Variants in PCDHA4 observed in about 807,000 individuals in gnomAD.
The protein encoded by PCDHA4 is protocadherin alpha-4.
A neutral mutation model predicts 61.4 loss-of-function variants in PCDHA4; 49 were observed. That is an observed-to-expected ratio of 0.80 (90% CI 0.63 to 1.01). The LOEUF is 1.01. Among genes scored for constraint, PCDHA4 ranks in the 50% least tolerant of loss-of-function variants. PCDHA4 has a pLI of 0.00. For missense variants in PCDHA4, 1,254 were observed against 1,235.8 expected (o/e 1.01, Z -0.22); for synonymous variants, 590 against 550.3 (o/e 1.07, Z -1.01).
intron 3 of PCDHA4, 167 bp from the exon 4 acceptor site, chr5:141,009,460 T>C (rs1375350735): frequency 3.2e-6 from 3 of 950,276 alleles, no homozygotes; most frequent in African/African-American, 1.8e-5. Flanking sequence ...ATTAAACAAA[T>C]AAATAAATAA....
chr5:140,969,076 T>C, intron 1 of PCDHA4: 2 of 1,614,162 alleles, frequency 1.2e-6, no homozygotes, highest in South Asian at 2.2e-5. Flanking sequence ...GGATACCGCA[T>C]GGCCTCAAAG....
At chr5:140,862,334 C>A in intron 1 of PCDHA4, 1 of 329,810 alleles carries the variant, frequency 3.0e-6, no homozygotes, top group Non-Finnish European at 6.0e-6. Flanking sequence ...TGTAATTGAC[C>A]CTAACTTCAG....
At chr5:140,911,607 T>C (rs1309017145) in intron 1 of PCDHA4, among the ~76,000 whole-genome samples, 1 of 152,222 alleles carries the variant, frequency 6.6e-6, no homozygotes, top group African/African-American at 2.4e-5. Context: ...CTTCATTATG[T>C]TCCTTAGTTC....
At chr5:140,963,120 A>G (rs1210822785) in intron 1 of PCDHA4, among the ~76,000 whole-genome samples, 1 of 152,174 alleles carries the variant, frequency 6.6e-6, no homozygotes, top group African/African-American at 2.4e-5. Context: ...ATAATTAAAG[A>G]GATAATATTA....
chr5:140,830,242 G>A, intron 1 of PCDHA4: 1 of 1,613,960 alleles, frequency 6.2e-7, no homozygotes, highest in Non-Finnish European at 8.5e-7. Context: ...CGCTACTGCT[G>A]TACACAGCGC....
At chr5:140,875,922 T>A (rs1554168077) in intron 1 of PCDHA4, 1 of 1,614,200 alleles carries the variant, frequency 6.2e-7, no homozygotes, top group Admixed American at 1.7e-5. Flanking sequence ...CTCTGGACTC[T>A]CATTTTCCTC....
In PCDHA4 at chr5:140,883,501, C is replaced by A. The variant is rs570168326; in HGVS notation, c.2385+73929C>A. On this transcript the variant is annotated intron_variant, in intron 1 of 3. Transcript: ENST00000530339. ...ACTACTACTCATTAGTGCTGGACAGCGCCCTGGACCGCGAGAGCGTATCAG... is the reference window on the plus strand; with the variant it reads ...ACTACTACTCATTAGTGCTGGACAGAGCCCTGGACCGCGAGAGCGTATCAG... 3.7e-6 allele frequency: 6 copies of A among 1,614,194 alleles called. No homozygotes were observed. In the Admixed American group the frequency reaches 8.3e-5, roughly 22 times the overall value.
chr5:140,983,059 C>A (rs1325414567), intron 3 of PCDHA4, among the ~76,000 whole-genome samples: 3 of 151,980 alleles, frequency 2.0e-5, no homozygotes, highest in Non-Finnish European at 4.4e-5. Flanking sequence ...TTATCGGAAC[C>A]AAGGCATTGT....
At chr5:140,919,932 C>A (rs2079357842) in intron 1 of PCDHA4, among the ~76,000 whole-genome samples, 1 of 151,968 alleles carries the variant, frequency 6.6e-6, no homozygotes, top group Non-Finnish European at 1.5e-5. Flanking sequence ...CAGGTGGGGG[C>A]TAATTCCAGT....
intron 1 of PCDHA4, chr5:140,927,063 C>T: frequency 6.2e-7 from 1 of 1,611,332 alleles, no homozygotes; most frequent in Non-Finnish European, 8.5e-7. Flanking sequence ...ACTTTCGCTT[C>T]CTTTCCAGCC....
chr5:140,942,443 A>G (rs1204508547), intron 1 of PCDHA4, among the ~76,000 whole-genome samples: 2 of 152,100 alleles, frequency 1.3e-5, no homozygotes, highest in African/African-American at 4.8e-5. Flanking sequence ...ATAAACAAGT[A>G]AACTATCAAT....
chr5:140,969,310 T>C, intron 1 of PCDHA4: 2 of 1,614,198 alleles, frequency 1.2e-6, no homozygotes, highest in East Asian at 2.2e-5. Context: ...TTCTCAAAAA[T>C]GAGGCTGTTT....
chr5:140,831,526 T>C (rs2150196018), intron 1 of PCDHA4, among the ~76,000 whole-genome samples: 1 of 114,962 alleles, frequency 8.7e-6, no homozygotes, highest in African/African-American at 4.1e-5. Context: ...CCACCTTTTT[T>C]TTTTTTTTTT....
intron 2 of PCDHA4, among the ~76,000 whole-genome samples, chr5:140,979,920 C>T (rs1554241253): frequency 6.6e-6 from 1 of 152,206 alleles, no homozygotes; most frequent in Non-Finnish European, 1.5e-5. Flanking sequence ...AAGAGAAAGC[C>T]TACAAAGTAT....
rs1554262827 is a variant in PCDHA4 at position 141,010,253 on chromosome 5, C to A, written c.*316C>A. The A allele has an allele frequency of 3.2e-6, 5 of 1,551,834 alleles. No homozygotes were observed. The highest frequency in any genetic ancestry group is 1.7e-4 in the Middle Eastern group (1 of 5,990). On this transcript the variant is annotated 3_prime_UTR_variant, in exon 4 of 4. Transcript: ENST00000530339. ...CGCCAGTGAGAGGTTGGACTCTCTG[C>A]CCTGTGCTCCGGGGATCCTGTCTTG...
intron 1 of PCDHA4, among the ~76,000 whole-genome samples, chr5:140,874,611 C>T (rs1274309771): frequency 6.6e-6 from 1 of 152,220 alleles, no homozygotes; most frequent in African/African-American, 2.4e-5. Flanking sequence ...GAGGCTTCAA[C>T]TAAACATTTT....
intron 1 of PCDHA4, chr5:140,834,232 T>C: frequency 1.3e-6 from 1 of 753,154 alleles, no homozygotes; most frequent in African/African-American, 1.7e-5. Flanking sequence ...AAGGAAGTCA[T>C]TCCTTTTCGC....
intron 1 of PCDHA4, among the ~76,000 whole-genome samples, chr5:140,818,125 A>G (rs1376121700): frequency 1.3e-5 from 2 of 152,226 alleles, no homozygotes; most frequent in Non-Finnish European, 2.9e-5. Flanking sequence ...TTAAGAGAAG[A>G]TTTAGCAGTA....
intron 1 of PCDHA4, among the ~76,000 whole-genome samples, chr5:140,873,360 T>C (rs1271954811): frequency 6.6e-6 from 1 of 152,170 alleles, no homozygotes; most frequent in African/African-American, 2.4e-5. Flanking sequence ...ATTTTTGGAA[T>C]AACTGAAGAT....
Sources: gnomAD v4.1 joint callset for allele counts (sites outside exome capture counted in the v4.1 genomes callset) on GRCh38, gnomAD v4.1.1 for gene constraint, MANE v1.5 for transcripts, NCBI Gene and HGNC (gene_info 2026-07-23, HGNC 2026-07-21) for gene names.